Variants in MTUS2 observed in about 807,000 individuals in gnomAD.
MTUS2 encodes microtubule-associated tumor suppressor candidate 2.
A neutral mutation model predicts 114.1 loss-of-function variants in MTUS2; 40 were observed. The ratio of observed to expected loss-of-function variants is 0.35; its 90% CI spans 0.27 to 0.46. The LOEUF (loss-of-function observed/expected upper bound fraction) is 0.46. Ranked by LOEUF, MTUS2 falls within the 20% of genes least tolerant of loss-of-function variation. MTUS2 has a pLI of 1.00. For missense variants in MTUS2, 1,679 were observed against 1,705.4 expected (o/e 0.98, Z 0.27); for synonymous variants, 688 against 672.0 (o/e 1.02, Z -0.37).
At chr13:29,486,223 C>T (rs550517064) in intron 10 of MTUS2, among the ~76,000 whole-genome samples, 26 of 152,246 alleles carry the variant, frequency 1.7e-4, no homozygotes, top group African/African-American at 6.3e-4. Context: ...GCACCACGTC[C>T]GTTCTCACAC....
At chr13:28,859,985 C>T (rs983093503) in intron 2 of MTUS2, among the ~76,000 whole-genome samples, 2 of 152,076 alleles carry the variant, frequency 1.3e-5, no homozygotes, top group East Asian at 3.9e-4. Flanking sequence ...TGGGTTGAGG[C>T]AGTGTTGAAA....
At chr13:29,432,080 T>C (rs73444025) in intron 8 of MTUS2, among the ~76,000 whole-genome samples, 2,348 of 151,384 alleles carry the variant, frequency 0.016, 64 homozygotes, top group African/African-American at 0.053. Context: ...CTCAAACTTT[T>C]TGGCTCAAGT....
rs559687159 is a variant in MTUS2, at chr13:29,055,096, A to T, written c.2446+20971A>T. Among the ~76,000 whole-genome samples the T allele has an allele frequency of 3.3e-3, 509 of 152,098 alleles. 2 individuals are homozygous for T. Among genetic ancestry groups the T allele is most frequent in the African/African-American group, 4.9e-3 (204 of 41,546 alleles). ...GTCCTTTACATTTTTATTATTTTTT[A>T]AAAAATTTGTTCTATCAGTTACTTA... On this transcript the variant is annotated intron_variant, in intron 4 of 15. Coordinates refer to ENST00000612955, the MANE Select transcript of MTUS2 (RefSeq NM_001033602.4).
At chr13:29,090,169 CTT>C (rs571126468) in intron 4 of MTUS2, among the ~76,000 whole-genome samples, 2 of 152,160 alleles carry the variant, frequency 1.3e-5, no homozygotes, top group Non-Finnish European at 2.9e-5. Flanking sequence ...GTTTGGCTGA[CTT>C]TGTTTCTGGA....
At chr13:29,144,948 A>G (rs922608433) in intron 5 of MTUS2, among the ~76,000 whole-genome samples, 2 of 152,220 alleles carry the variant, frequency 1.3e-5, no homozygotes, top group Non-Finnish European at 2.9e-5. Flanking sequence ...CATGAAGAAC[A>G]CATCTGAGAC....
chr13:29,469,839 G>A (rs528329843), intron 9 of MTUS2, among the ~76,000 whole-genome samples: 38 of 151,144 alleles, frequency 2.5e-4, no homozygotes, highest in African/African-American at 8.7e-4. Flanking sequence ...ATAAAATTTA[G>A]TTTTTTTAAA....
intron 5 of MTUS2, among the ~76,000 whole-genome samples, chr13:29,178,757 C>T (rs1224022553): frequency 1.3e-5 from 2 of 151,980 alleles, no homozygotes; most frequent in Non-Finnish European, 2.9e-5. Context: ...TTTAAGTCTC[C>T]CCAAAACCTT....
intron 8 of MTUS2, among the ~76,000 whole-genome samples, chr13:29,396,137 A>G (rs1873899243): frequency 6.6e-6 from 1 of 152,226 alleles, no homozygotes; most frequent in African/African-American, 2.4e-5. Context: ...GTTGTGATGA[A>G]AAGAAAAAGA....
At chr13:29,287,638 G>A (rs1181312991) in intron 6 of MTUS2, among the ~76,000 whole-genome samples, 1 of 152,132 alleles carries the variant, frequency 6.6e-6, no homozygotes, top group African/African-American at 2.4e-5. Flanking sequence ...TTTCTTTGTT[G>A]AAAACTCAAA....
chr13:28,984,239 G>A (rs1020227261), intron 2 of MTUS2, among the ~76,000 whole-genome samples: 1 of 152,112 alleles, frequency 6.6e-6, no homozygotes, highest in Non-Finnish European at 1.5e-5. Flanking sequence ...TTAGGGGAAG[G>A]GTGCTAAATT....
chr13:28,968,105 G>C (rs1883682807), intron 2 of MTUS2, among the ~76,000 whole-genome samples: 1 of 152,182 alleles, frequency 6.6e-6, no homozygotes, highest in South Asian at 2.1e-4. Flanking sequence ...TTTGCTGCAT[G>C]ACTGTATAGA....
chr13:29,068,688 G>C (rs531199586), intron 4 of MTUS2, among the ~76,000 whole-genome samples: 12 of 152,276 alleles, frequency 7.9e-5, no homozygotes, highest in African/African-American at 2.9e-4. Flanking sequence ...AAGGGCAAAG[G>C]ATTTGAGGTG....
At chr13:29,307,370 A>G in intron 6 of MTUS2, 1 of 803,808 alleles carries the variant, frequency 1.2e-6, no homozygotes, top group Non-Finnish European at 2.2e-6. Flanking sequence ...CTGTGGTGTG[A>G]TAGCCATGGG....
At chr13:29,094,664 C>G (rs1890104161) in intron 4 of MTUS2, among the ~76,000 whole-genome samples, 1 of 151,792 alleles carries the variant, frequency 6.6e-6, no homozygotes, top group African/African-American at 2.4e-5. Context: ...TCCTGTTTTT[C>G]TATTCTCTGT....
At chr13:29,315,332 C>T (rs1899941572) in intron 6 of MTUS2, among the ~76,000 whole-genome samples, 1 of 152,166 alleles carries the variant, frequency 6.6e-6, no homozygotes, top group African/African-American at 2.4e-5. Context: ...ATGGTCCCAA[C>T]ACAAAGAAAT....
chr13:28,891,552 G>A (rs531804772), intron 2 of MTUS2, among the ~76,000 whole-genome samples: 1 of 152,154 alleles, frequency 6.6e-6, no homozygotes, highest in South Asian at 2.1e-4. Context: ...AGATAATAGG[G>A]GCAATGTGCT....
At chr13:29,404,022 A>G (rs1257267352) in intron 8 of MTUS2, among the ~76,000 whole-genome samples, 6 of 151,950 alleles carry the variant, frequency 3.9e-5, no homozygotes, top group East Asian at 3.9e-4. Flanking sequence ...CACTCCATCT[A>G]TACTCTTATT....
chr13:29,308,692 A>C lies in MTUS2; in HGVS notation c.2807-15921A>C, dbSNP rs1340180570. Among the ~76,000 whole-genome samples the C allele has an allele frequency of 3.3e-5, 5 of 152,326 alleles. No homozygotes were observed. The East Asian group carries it at 9.6e-4, about 29-fold the overall frequency. On this transcript the variant is annotated intron_variant, in intron 6 of 15. Transcript: ENST00000612955. ...AATATCCAGAGTCTACAAGGAACTT[A>C]AACAAATTTATAAGAAACAACCCCA... is the stretch of plus-strand genomic sequence containing the variant.
intron 2 of MTUS2, among the ~76,000 whole-genome samples, chr13:29,009,285 A>G (rs1885735773): frequency 6.6e-6 from 1 of 152,074 alleles, no homozygotes; most frequent in Admixed American, 6.5e-5. Flanking sequence ...CTACTCAGCA[A>G]TAAAGAGGAA....
Sources: gnomAD v4.1 joint callset for allele counts (sites outside exome capture counted in the v4.1 genomes callset) on GRCh38, gnomAD v4.1.1 for gene constraint, MANE v1.5 for transcripts, NCBI Gene and HGNC (gene_info 2026-07-23, HGNC 2026-07-21) for gene names.